Variants in DPP10 observed in about 807,000 individuals in gnomAD.
DPP10 encodes inactive dipeptidyl peptidase 10.
Under a neutral mutation model 120.9 loss-of-function variants are expected in DPP10, and 33 were observed. That is an observed-to-expected ratio of 0.27 (90% CI 0.21 to 0.37). The LOEUF (loss-of-function observed/expected upper bound fraction) is 0.37. Among genes scored for constraint, DPP10 ranks in the 10% least tolerant of loss-of-function variants. The pLI, the probability that DPP10 is intolerant of heterozygous loss-of-function variation, is 1.00. For missense variants in DPP10, 816 were observed against 942.8 expected (o/e 0.87, Z 1.76); for synonymous variants, 337 against 326.1 (o/e 1.03, Z -0.36).
At chr2:114,869,243 T>C (rs1690486916) in intron 1 of DPP10, among the ~76,000 whole-genome samples, 1 of 152,098 alleles carries the variant, frequency 6.6e-6, no homozygotes, top group Admixed American at 6.6e-5. Context: ...TATGTATATA[T>C]ATATTATGTT....
intron 1 of DPP10, among the ~76,000 whole-genome samples, chr2:114,478,219 G>T (rs1257388912): frequency 2.0e-5 from 3 of 152,076 alleles, no homozygotes; most frequent in African/African-American, 7.2e-5. Flanking sequence ...GAATTATACA[G>T]TGTGATCAAG....
chr2:115,544,386 G>T (rs184494097), intron 5 of DPP10, among the ~76,000 whole-genome samples: 2 of 151,310 alleles, frequency 1.3e-5, no homozygotes, highest in Non-Finnish European at 3.0e-5. Context: ...TTTTCATGCC[G>T]AGATCAATTT....
At chr2:114,731,541 G>T (rs1451766665) in intron 1 of DPP10, among the ~76,000 whole-genome samples, 1 of 152,112 alleles carries the variant, frequency 6.6e-6, no homozygotes, top group African/African-American at 2.4e-5. Flanking sequence ...AGTGTCCAAC[G>T]TGTGACCAGA....
rs563543047 is a variant in DPP10 at position 114,874,408 on chromosome 2, A to C, written c.60+431570A>C. On this transcript the variant is annotated intron_variant, in intron 1 of 25. Transcript: ENST00000410059. ...CCAAAAGCCTGCTTCCATTTCCAAC[A>C]TCCTATCTTGGTGAAGCAGGGTTTT... Among the ~76,000 whole-genome samples the C allele has an allele frequency of 3.3e-5, 5 of 152,196 alleles. No individual in the cohort carries two copies. The South Asian group carries it at 1.0e-3, about 32-fold the overall frequency.
intron 1 of DPP10, among the ~76,000 whole-genome samples, chr2:115,286,526 A>ATATATATTACATATATAATATATATAT (rs10675008): frequency 1.8e-4 from 11 of 60,954 alleles, no homozygotes; most frequent in African/African-American, 5.4e-4. Context: ...ATATATATAT[A>ATATATATTACATATATAATATATATAT]ATATATATAT....
At chr2:114,786,913 C>T (rs1682815830) in intron 1 of DPP10, among the ~76,000 whole-genome samples, 2 of 152,092 alleles carry the variant, frequency 1.3e-5, no homozygotes, top group Admixed American at 6.6e-5. Flanking sequence ...TGGAACAATC[C>T]CGACCCCTCC....
chr2:114,745,587 T>C (rs189966680), intron 1 of DPP10, among the ~76,000 whole-genome samples: 129 of 152,250 alleles, frequency 8.5e-4, no homozygotes, highest in African/African-American at 2.9e-3. Flanking sequence ...TATCCATATA[T>C]AAAAATAAAT....
chr2:114,901,083 T>A (rs1693523068), intron 1 of DPP10, among the ~76,000 whole-genome samples: 1 of 152,148 alleles, frequency 6.6e-6, no homozygotes, highest in African/African-American at 2.4e-5. Flanking sequence ...AAATTTATAA[T>A]TAATGGTGAA....
chr2:114,566,114 A>C (rs752006156), intron 1 of DPP10, among the ~76,000 whole-genome samples: 15 of 152,164 alleles, frequency 9.9e-5, no homozygotes, highest in South Asian at 6.2e-4. Flanking sequence ...CACAATTTTC[A>C]GGGGTTCAGG....
At chr2:115,720,369 G>A (rs11689783) in intron 7 of DPP10, among the ~76,000 whole-genome samples, 147,015 of 152,258 alleles carry the variant, frequency 0.97, 71,208 homozygotes, top group Middle Eastern at 1. Context: ...AATTCCTCCA[G>A]ATGGTTTCTA....
At chr2:115,198,773 C>G (rs1221181800) in intron 1 of DPP10, among the ~76,000 whole-genome samples, 7 of 152,096 alleles carry the variant, frequency 4.6e-5, no homozygotes, top group Non-Finnish European at 8.8e-5. Context: ...TACTAAATCT[C>G]CAGTGCCTAT....
chr2:115,006,311 A>G (rs1701836852), intron 1 of DPP10, among the ~76,000 whole-genome samples: 1 of 152,074 alleles, frequency 6.6e-6, no homozygotes, highest in Non-Finnish European at 1.5e-5. Context: ...TGCATCAACT[A>G]ACGAGCAAAA....
chr2:114,623,372 C>T (rs1477645555), intron 1 of DPP10, among the ~76,000 whole-genome samples: 2 of 152,060 alleles, frequency 1.3e-5, no homozygotes, highest in Admixed American at 1.3e-4. Context: ...ATACAACTGC[C>T]AGCAGCACCA....
intron 1 of DPP10, among the ~76,000 whole-genome samples, chr2:115,072,006 C>T (rs1038743237): frequency 6.6e-6 from 1 of 151,928 alleles, no homozygotes; most frequent in Admixed American, 6.6e-5. Context: ...GAATTTCAGC[C>T]CACAGTTGAG....
At chr2:115,105,307 G>A (rs1430073886) in intron 1 of DPP10, among the ~76,000 whole-genome samples, 1 of 152,142 alleles carries the variant, frequency 6.6e-6, no homozygotes, top group Non-Finnish European at 1.5e-5. Context: ...GGCTTATTTG[G>A]CTCATGGTTC....
chr2:115,804,250 C>A (rs915344149), intron 19 of DPP10, among the ~76,000 whole-genome samples: 2 of 152,170 alleles, frequency 1.3e-5, no homozygotes, highest in Non-Finnish European at 2.9e-5. Flanking sequence ...GCATTCGTCA[C>A]GTAGTTCTCG....
At chr2:114,617,373 T>C (rs1009617150) in intron 1 of DPP10, among the ~76,000 whole-genome samples, 1 of 152,156 alleles carries the variant, frequency 6.6e-6, no homozygotes, top group African/African-American at 2.4e-5. Flanking sequence ...ATAGCTTATA[T>C]GTAAATAATT....
intron 1 of DPP10, among the ~76,000 whole-genome samples, chr2:114,814,071 G>A (rs1009958204): frequency 6.6e-6 from 1 of 151,068 alleles, no homozygotes; most frequent in Non-Finnish European, 1.5e-5. Flanking sequence ...AATATTTATC[G>A]ATTATGTTCA....
At chr2:115,064,948 A>G in intron 1 of DPP10, 1 of 621,794 alleles carries the variant, frequency 1.6e-6, no homozygotes, top group Non-Finnish European at 2.4e-6. Context: ...TAGGCCTAAT[A>G]GTTGCCCACA....
Sources: gnomAD v4.1 joint callset for allele counts (sites outside exome capture counted in the v4.1 genomes callset) on GRCh38, gnomAD v4.1.1 for gene constraint, MANE v1.5 for transcripts, NCBI Gene and HGNC (gene_info 2026-07-23, HGNC 2026-07-21) for gene names.